The following ROR1 variants were observed in gnomAD, a reference collection of about 807,000 sequenced individuals.
The protein encoded by ROR1 is ROR family WNT receptor 1.
A neutral mutation model predicts 78.8 loss-of-function variants in ROR1; 19 were observed. The observed-to-expected ratio is 0.24, with a 90% CI of 0.17 to 0.35. The LOEUF (loss-of-function observed/expected upper bound fraction) is 0.35, where lower values mean the gene tolerates loss of function less well. Ranked by LOEUF, ROR1 falls within the 10% of genes least tolerant of loss-of-function variation. The pLI, the probability that ROR1 is intolerant of heterozygous loss-of-function variation, is 1.00. For synonymous variants in ROR1, 386 were observed against 433.6 expected (o/e 0.89, Z 1.36); for missense variants, 917 against 1,177.8 (o/e 0.78, Z 3.24).
rs1454353304 is a variant in ROR1, at chr1:64,002,139, T to C, written c.92-7166T>C. On this transcript the variant is annotated intron_variant, in intron 1 of 8. Coordinates refer to ENST00000371079, the MANE Select transcript of ROR1 (RefSeq NM_005012.4). ...TTAGGGACCAGTTCAACCTTTTTTT[T>C]TTTTTTTTTTTTTGAGACGGAGTCT... Among the ~76,000 whole-genome samples the C allele has an allele frequency of 4.0e-5, 6 of 149,212 alleles. No homozygotes were observed. In the East Asian group the frequency reaches 1.2e-3, roughly 29 times the overall value.
rs536801677 is a variant in ROR1 at position 63,922,677 on chromosome 1, G to T, written c.92-86628G>T. On this transcript the variant is annotated intron_variant, in intron 1 of 8. Coordinates refer to ENST00000371079, the MANE Select transcript of ROR1 (RefSeq NM_005012.4). ...CAGGCTTTTTCTTTTTAGTATTGATGATGATGATGATGAGCTTTAACACAG... is the reference window on the plus strand; with the variant it reads ...CAGGCTTTTTCTTTTTAGTATTGATTATGATGATGATGAGCTTTAACACAG... 2.0e-5 allele frequency among the ~76,000 whole-genome samples: 3 copies of T among 152,264 alleles called. No individual in the cohort carries two copies. In the South Asian group the frequency reaches 6.2e-4, roughly 32 times the overall value.
chr1:64,033,105 A>T (rs1375997051), intron 2 of ROR1, among the ~76,000 whole-genome samples: 4 of 152,184 alleles, frequency 2.6e-5, no homozygotes, highest in African/African-American at 9.7e-5. Flanking sequence ...CTTAAAAATA[A>T]TTAAAATTGT....
At chr1:63,801,595 G>C (rs373176301) in intron 1 of ROR1, among the ~76,000 whole-genome samples, 2 of 152,000 alleles carry the variant, frequency 1.3e-5, no homozygotes, top group East Asian at 1.9e-4. Flanking sequence ...GTGCCTGGCC[G>C]GGTATCATGT....
At chr1:63,782,405 T>C (rs1335932789) in intron 1 of ROR1, among the ~76,000 whole-genome samples, 1 of 152,150 alleles carries the variant, frequency 6.6e-6, no homozygotes, top group African/African-American at 2.4e-5. Context: ...TTGACAACCT[T>C]AGAAGTCATG....
At chr1:64,110,554 A>T (rs563182247) in intron 4 of ROR1, 1 of 152,152 alleles carries the variant, frequency 6.6e-6, no homozygotes, top group East Asian at 1.9e-4. Context: ...CCTGCCTAAA[A>T]AACAGGATAA....
intron 1 of ROR1, among the ~76,000 whole-genome samples, chr1:63,973,935 G>A (rs1646137991): frequency 6.6e-6 from 1 of 152,042 alleles, no homozygotes; most frequent in African/African-American, 2.4e-5. Context: ...GGTGCTACAC[G>A]GAGACATTTT....
At chr1:63,870,710 G>A (rs1208948342) in intron 1 of ROR1, among the ~76,000 whole-genome samples, 1 of 152,166 alleles carries the variant, frequency 6.6e-6, no homozygotes, top group Non-Finnish European at 1.5e-5. Flanking sequence ...CTCCTGTGAG[G>A]GTAAGTAGTA....
chr1:63,820,228 T>C (rs960749116), intron 1 of ROR1, among the ~76,000 whole-genome samples: 1 of 152,148 alleles, frequency 6.6e-6, no homozygotes, highest in Admixed American at 6.5e-5. Context: ...GTTTTAGTGA[T>C]CTCCACAGGG....
intron 4 of ROR1, among the ~76,000 whole-genome samples, chr1:64,092,280 A>G (rs531488265): frequency 4.3e-4 from 65 of 152,286 alleles, no homozygotes; most frequent in African/African-American, 1.5e-3. Context: ...AGGTGGTTTC[A>G]AAAATCTTCT....
chr1:63,810,391 G>A (rs1003566038), intron 1 of ROR1, among the ~76,000 whole-genome samples: 7 of 152,310 alleles, frequency 4.6e-5, no homozygotes, highest in Admixed American at 6.5e-5. Context: ...TAGAAGGCAC[G>A]CATCATTTCT....
intron 4 of ROR1, among the ~76,000 whole-genome samples, chr1:64,079,645 C>T (rs1647083949): frequency 6.6e-6 from 1 of 151,926 alleles, no homozygotes; most frequent in African/African-American, 2.4e-5. Flanking sequence ...CCACGCCCAG[C>T]TAGTTTTTAT....
chr1:64,155,687 C>A (rs6682140), intron 7 of ROR1, among the ~76,000 whole-genome samples: 6 of 152,066 alleles, frequency 3.9e-5, no homozygotes, highest in East Asian at 1.9e-4. Context: ...AGGTGAGGCC[C>A]TACTTTCTCT....
chr1:63,865,303 C>A (rs1469584499), intron 1 of ROR1, among the ~76,000 whole-genome samples: 1 of 152,112 alleles, frequency 6.6e-6, no homozygotes, highest in Non-Finnish European at 1.5e-5. Context: ...TGATAAAATT[C>A]TATTACAAAG....
intron 1 of ROR1, among the ~76,000 whole-genome samples, chr1:63,868,567 C>T (rs896621347): frequency 3.3e-5 from 5 of 152,320 alleles, no homozygotes; most frequent in African/African-American, 1.2e-4. Context: ...TAATACACAG[C>T]GTCCTGGAAG....
At chr1:63,897,568 C>T (rs993506215) in intron 1 of ROR1, among the ~76,000 whole-genome samples, 3 of 152,170 alleles carry the variant, frequency 2.0e-5, no homozygotes, top group Non-Finnish European at 4.4e-5. Context: ...AAAATGTAAG[C>T]TCAATGAGTC....
chr1:64,159,418 C>A (rs762241359), intron 8 of ROR1, among the ~76,000 whole-genome samples: 21 of 152,144 alleles, frequency 1.4e-4, no homozygotes, highest in Non-Finnish European at 2.6e-4. Context: ...CACTGCCTTG[C>A]CATAGAGTCA....
At chr1:64,109,325 C>T (rs1455572875) in intron 4 of ROR1, among the ~76,000 whole-genome samples, 1 of 152,128 alleles carries the variant, frequency 6.6e-6, no homozygotes, top group African/African-American at 2.4e-5. Flanking sequence ...TCTTCACAGT[C>T]TTATGAGGCT....
intron 4 of ROR1, among the ~76,000 whole-genome samples, chr1:64,057,952 T>C (rs891461421): frequency 2.0e-5 from 3 of 152,196 alleles, no homozygotes; most frequent in Admixed American, 1.3e-4. Flanking sequence ...GTCTCAACAG[T>C]ATTAAGTCAT....
chr1:64,155,827 C>T (rs950699943), intron 7 of ROR1, among the ~76,000 whole-genome samples: 1 of 152,054 alleles, frequency 6.6e-6, no homozygotes, highest in Non-Finnish European at 1.5e-5. Flanking sequence ...GAGACTTTAC[C>T]CCCCTAGGGT....
Sources: gnomAD v4.1 joint callset for allele counts (sites outside exome capture counted in the v4.1 genomes callset) on GRCh38, gnomAD v4.1.1 for gene constraint, MANE v1.5 for transcripts, NCBI Gene and HGNC (gene_info 2026-07-23, HGNC 2026-07-21) for gene names.